Variants in ZKSCAN4 observed in about 807,000 individuals in gnomAD.
ZKSCAN4 encodes zinc finger with KRAB and SCAN domains 4.
ZKSCAN4 carries 23 observed loss-of-function variants against 30.8 expected under a neutral mutation model. The observed-to-expected ratio is 0.75, with a 90% CI of 0.54 to 1.06. ZKSCAN4 has a LOEUF of 1.06. ZKSCAN4 is among the 50% of genes least tolerant of loss of function. The pLI, the probability that ZKSCAN4 is intolerant of heterozygous loss-of-function variation, is 0.00. For synonymous variants in ZKSCAN4, 208 were observed against 252.5 expected, an observed-to-expected ratio of 0.82 and a Z score of 1.67; for missense variants, 556 against 665.4, an observed-to-expected ratio of 0.84 and a Z score of 1.81.
chr6:28,247,492 G>GA (rs35330207), intron 3 of ZKSCAN4, among the ~76,000 whole-genome samples: 30,128 of 151,938 alleles, frequency 0.2, 3,534 homozygotes, highest in African/African-American at 0.32. Flanking sequence ...AAAATTAGGG[G>GA]AAAAAAAGGA....
chr6:28,247,221 T>A, intron 3 of ZKSCAN4, 129 bp from the exon 4 acceptor site: 1 of 998,354 alleles, frequency 1.0e-6, no homozygotes, highest in Non-Finnish European at 1.4e-6. Flanking sequence ...AATTTAGCTT[T>A]ATCTCTAATA....
upstream of ZKSCAN4, among the ~76,000 whole-genome samples, chr6:28,254,023 A>C (rs1364802457): frequency 6.6e-6 from 1 of 152,216 alleles, no homozygotes; most frequent in African/African-American, 2.4e-5. Flanking sequence ...TTAAAAAATC[A>C]ATCAGCCAAA....
Position 28,249,719 on chromosome 6 carries a change from T to A in ZKSCAN4, c.539A>T (p.Glu180Val). ...CQPMKALFKH[E>V]SLGSQPLHDR... ...GTGTAAGGGCTGGGATCCCAGAGATTCATGCTTGAACAGAGCCTTCATTGG... is the reference window on the plus strand; with the variant it reads ...GTGTAAGGGCTGGGATCCCAGAGATACATGCTTGAACAGAGCCTTCATTGG... The change falls in exon 2 of 5, where the codon GAA becomes GTA. Residue 180 changes from glutamate (E) to valine (V), a missense_variant. Physicochemically the swap from Glu to Val is moderately radical, Grantham distance 121. Coordinates refer to ENST00000377294, the MANE Select transcript of ZKSCAN4 (RefSeq NM_019110.5). The surrounding 1 kb of genome is among the most constrained non-coding windows in gnomAD (Gnocchi z 4.1). 1 of 1,614,164 alleles carries A rather than the reference T, an allele frequency of 6.2e-7. No homozygotes were observed. The highest frequency in any genetic ancestry group is 2.2e-5 in the East Asian group (1 of 44,882).
rs770782809 is a variant in ZKSCAN4, at chr6:28,249,686, C to T, written c.571+1G>A. 1.4e-5 allele frequency: 22 copies of T among 1,613,604 alleles called. 1 individual carries two copies. In the East Asian group the frequency reaches 4.2e-4, roughly 31 times the overall value. On this transcript the variant is annotated splice_donor_variant, in intron 2 of 4. Transcript: ENST00000377294. LOFTEE classifies it high-confidence loss of function. This position sits in a 1 kb window ranked among gnomAD's most constrained non-coding sequence, Gnocchi z 4.1. ...CATACAACCCAGAAGAGAATACTCA[C>T]CTCTATCGTGTAAGGGCTGGGATCC...
chr6:28,249,924 G>T lies in ZKSCAN4; in HGVS notation c.424-90C>A. The stretch of plus-strand genomic sequence containing the variant: ...TATTTTCTAGGCACTGTTTCTACAA[G>T]CCTTATGATATTAACACAATTAATA... On this transcript the variant is annotated intron_variant, in intron 1 of 4. Transcript: ENST00000377294. The surrounding 1 kb of genome is among the most constrained non-coding windows in gnomAD (Gnocchi z 4.1). The T allele has an allele frequency of 1.4e-6, 2 of 1,435,196 alleles. No individual in the cohort carries two copies. Among genetic ancestry groups the T allele is most frequent in the Non-Finnish European group, 9.6e-7 (1 of 1,038,728 alleles). The allele number at this position is 1,435,196 out of a possible 1,614,324, so 88.9% of individuals were successfully genotyped here.
At chr6:28,254,665 G>C (rs1252434413), upstream of ZKSCAN4, among the ~76,000 whole-genome samples, 4 of 152,236 alleles carry the variant, frequency 2.6e-5, no homozygotes, top group East Asian at 7.7e-4. Context: ...GCCCTGCCTA[G>C]CACTGGAAGA....
chr6:28,244,118 A>C lies in ZKSCAN4; in HGVS notation c.*998T>G, dbSNP rs1451832792. Among the ~76,000 whole-genome samples, 1 of 152,204 alleles carries C rather than the reference A, an allele frequency of 6.6e-6. No homozygotes were observed. The highest frequency in any genetic ancestry group is 1.5e-5 in the Non-Finnish European group (1 of 68,042). On this transcript the variant is annotated 3_prime_UTR_variant, in exon 5 of 5. Coordinates refer to ENST00000377294, the MANE Select transcript of ZKSCAN4 (RefSeq NM_019110.5). ...GTTATGAATCTTCGGACCTGGAGAA[A>C]GTTTAAGCTTAGCTGGCATAAGCCT...
rs1760908519 is a variant in ZKSCAN4 at position 28,249,799 on chromosome 6, A to G, written c.459T>C (p.Cys153=). ...TTTGTGTCAATAGTGCCATCTTGCA[A>G]CAGAGCAGTTCTTGCCCCTGGTCAC... ...PVGDQGQELL[C]CKMALLTQTQ... Residue 153 remains cysteine, a synonymous_variant, in exon 2 of 5, where the codon TGT becomes TGC. Coordinates refer to ENST00000377294, the MANE Select transcript of ZKSCAN4 (RefSeq NM_019110.5). The surrounding 1 kb of genome is among the most constrained non-coding windows in gnomAD (Gnocchi z 4.1). 6.2e-7 allele frequency: 1 copy of G among 1,614,156 alleles called. No individual in the cohort carries two copies. The highest frequency in any genetic ancestry group is 8.5e-7 in the Non-Finnish European group (1 of 1,180,014).
At chr6:28,246,410 A>G (rs1760734733) in intron 4 of ZKSCAN4, among the ~76,000 whole-genome samples, 1 of 152,116 alleles carries the variant, frequency 6.6e-6, no homozygotes, top group Non-Finnish European at 1.5e-5. Context: ...GATCAATGAC[A>G]TGGACCGTCA....
At position 28,244,360 on chromosome 6, in the gene ZKSCAN4, T is replaced by G. The variant is rs1225160142; in HGVS notation, c.*756A>C. On this transcript the variant is annotated 3_prime_UTR_variant, in exon 5 of 5. Coordinates refer to ENST00000377294, the MANE Select transcript of ZKSCAN4 (RefSeq NM_019110.5). ...AAAGAGTAGCAAAATTAATGTAAAC[T>G]AACATAATTAACATTGACCAGACAG... Among the ~76,000 whole-genome samples, 1 of 152,184 alleles carries G rather than the reference T, an allele frequency of 6.6e-6. No homozygotes were observed. The highest frequency in any genetic ancestry group is 2.4e-5 in the African/African-American group (1 of 41,444).
upstream of ZKSCAN4, among the ~76,000 whole-genome samples, chr6:28,253,945 C>T (rs1471924313): frequency 6.6e-6 from 1 of 152,178 alleles, no homozygotes; most frequent in Non-Finnish European, 1.5e-5. The surrounding 1 kb of genome is among the most constrained non-coding windows in gnomAD (Gnocchi z 4.2). Flanking sequence ...AGCCACCACG[C>T]CTGGCCAACT....
intron 2 of ZKSCAN4, 98 bp from the exon 3 acceptor site, chr6:28,248,247 C>G: frequency 1.2e-6 from 1 of 842,396 alleles, no homozygotes; most frequent in Non-Finnish European, 1.9e-6. Context: ...AAGTTCTTGC[C>G]AATAAGTTTA....
Position 28,249,978 on chromosome 6 carries a change from T to C in ZKSCAN4, c.424-144A>G. The C allele has an allele frequency of 1.1e-6, 1 of 939,800 alleles. No homozygotes were observed. 58.2% of individuals were successfully genotyped at this position (939,800 alleles called of 1,614,324 possible). ...ATAACAACCCTGTGAGCTATTATTTTGGATTTTTATGATAAGTTGCTGAAA... is the reference window on the plus strand; with the variant it reads ...ATAACAACCCTGTGAGCTATTATTTCGGATTTTTATGATAAGTTGCTGAAA... On this transcript the variant is annotated intron_variant, in intron 1 of 4. Coordinates refer to ENST00000377294, the MANE Select transcript of ZKSCAN4 (RefSeq NM_019110.5). The surrounding 1 kb of genome is among the most constrained non-coding windows in gnomAD (Gnocchi z 4.1).
Position 28,242,302 on chromosome 6 carries a change from T to TATA in ZKSCAN4, c.*2811_*2813dup, listed in dbSNP as rs1760523525. On this transcript the variant is annotated 3_prime_UTR_variant, in exon 5 of 5. Transcript: ENST00000377294. The stretch of plus-strand genomic sequence containing the variant: ...CAATAGGCTACAGATAAACTCATTT[T>TATA]ATAATTCAGCTATTTATAAACACAT... 6.6e-6 allele frequency among the ~76,000 whole-genome samples: 1 copy of TATA among 152,230 alleles called. No homozygotes were observed. The highest frequency in any genetic ancestry group is 2.4e-5 in the African/African-American group (1 of 41,470).
chr6:28,245,361 C>T lies in ZKSCAN4; in HGVS notation c.1393G>A (p.Gly465Arg), dbSNP rs763156155. ...GDKNVQNPEHGESWESQGRTE... is the reference protein window; with the variant it reads ...GDKNVQNPEHRESWESQGRTE... ...CTACCCTGACTTTCCCAGGACTCCC[C>T]GTGCTCAGGATTCTGAACATTTTTA... is the stretch of plus-strand genomic sequence containing the variant. The change falls in exon 5 of 5, where the codon GGG becomes AGG. Residue 465 changes from glycine to arginine, a missense_variant. Physicochemically the swap from Gly to Arg is moderately radical, Grantham distance 125. Coordinates refer to ENST00000377294, the MANE Select transcript of ZKSCAN4 (RefSeq NM_019110.5). 9.3e-6 allele frequency: 15 copies of T among 1,614,096 alleles called. No individual in the cohort carries two copies. The highest frequency in any genetic ancestry group is 2.2e-5 in the East Asian group (1 of 44,892).
In ZKSCAN4 at chr6:28,249,789, C is replaced by A; in HGVS notation, c.469G>T (p.Ala157Ser). 6.2e-7 allele frequency: 1 copy of A among 1,614,092 alleles called. No individual in the cohort carries two copies. The highest frequency in any genetic ancestry group is 8.5e-7 in the Non-Finnish European group (1 of 1,179,996). Residue 157 changes from alanine to serine, a missense_variant, in exon 2 of 5, where the codon GCA (alanine) becomes TCA (serine). Physicochemically the swap from Ala to Ser is moderately conservative, Grantham distance 99. Around this residue, in one of 3 missense-constraint regions of ZKSCAN4, gnomAD observed 433 missense variants for 511.5 expected, o/e 0.85. Transcript: ENST00000377294. This position sits in a 1 kb window ranked among gnomAD's most constrained non-coding sequence, Gnocchi z 4.1. ...GACCCTTGAGTTTGTGTCAATAGTGCCATCTTGCAACAGAGCAGTTCTTGC... is the reference window on the plus strand; with the variant it reads ...GACCCTTGAGTTTGTGTCAATAGTGACATCTTGCAACAGAGCAGTTCTTGC... ...QGQELLCCKMALLTQTQGSQS... is the reference protein window; with the variant it reads ...QGQELLCCKMSLLTQTQGSQS...
At chr6:28,245,999 C>T in intron 4 of ZKSCAN4, 24 bp from the exon 5 acceptor site, 1 of 1,614,132 alleles carries the variant, frequency 6.2e-7, no homozygotes, top group South Asian at 1.1e-5. Flanking sequence ...TGGCCGGCAA[C>T]TGTGGGTTAT....
the ZKSCAN4 span, among the ~76,000 whole-genome samples, chr6:28,258,862 G>A: frequency 1.3e-5 from 2 of 149,868 alleles, no homozygotes; most frequent in Non-Finnish European, 3.0e-5. Context: ...CTTGCTTCCA[G>A]TGGTAACAAG....
chr6:28,256,565 T>A (rs558702775), upstream of ZKSCAN4, among the ~76,000 whole-genome samples: 45 of 152,356 alleles, frequency 3.0e-4, no homozygotes, highest in South Asian at 6.8e-3. Flanking sequence ...TCTGGTACTT[T>A]CCTTGATAAT....
Sources: allele counts gnomAD v4.1 joint callset (sites outside exome capture counted in the v4.1 genomes callset), GRCh38; gene constraint gnomAD v4.1.1; regional missense constraint gnomAD v4.1.1; non-coding constraint Gnocchi (gnomAD v3.1); transcripts MANE v1.5; gene names NCBI Gene and HGNC (gene_info 2026-07-23, HGNC 2026-07-21).